Variants in AGAP1 observed in about 807,000 individuals in gnomAD.
AGAP1 encodes the protein ArfGAP with GTPase domain, ankyrin repeat and PH domain 1.
AGAP1 carries 29 observed loss-of-function variants against 105.3 expected under a neutral mutation model. The ratio of observed to expected loss-of-function variants is 0.28; its 90% confidence interval spans 0.21 to 0.38. AGAP1 has a LOEUF of 0.38. Among genes scored for constraint, AGAP1 ranks in the 10% least tolerant of loss-of-function variants. The pLI, the probability that AGAP1 is intolerant of heterozygous loss-of-function variation, is 1.00. For synonymous variants in AGAP1, 509 were observed against 485.9 expected (o/e 1.05, Z -0.63); for missense variants, 998 against 1,165.1 (o/e 0.86, Z 2.09).
At position 236,080,085 on chromosome 2, in the gene AGAP1, G is replaced by A. The variant is rs778405490; in HGVS notation, c.2114+30804G>A. ...CCCCATGGCATCCGCACACATCAAG[G>A]GCTGCATTGCAGGAGAGGAACCCTA... On this transcript the variant is annotated intron_variant, in intron 16 of 17. Coordinates refer to ENST00000304032, the MANE Select transcript of AGAP1 (RefSeq NM_001037131.3). This position sits in a 1 kb window ranked among gnomAD's most constrained non-coding sequence, Gnocchi z 4.2. Among the ~76,000 whole-genome samples the A allele has an allele frequency of 6.6e-6, 1 of 152,200 alleles. No homozygotes were observed. The highest frequency in any genetic ancestry group is 1.9e-4 in the East Asian group (1 of 5,200).
At position 235,977,608 on chromosome 2, in the gene AGAP1, A is replaced by G. The variant is rs1028509386; in HGVS notation, c.1645+8985A>G. Among the ~76,000 whole-genome samples, 1 of 152,126 alleles carries G rather than the reference A, an allele frequency of 6.6e-6. No individual in the cohort carries two copies. Among genetic ancestry groups the G allele is most frequent in the African/African-American group, 2.4e-5 (1 of 41,442 alleles). ...GACACATGCGGCCTGGGCTTCAGGA[A>G]GTAGAGATGCCCGGGGGTTATATTT... On this transcript the variant is annotated intron_variant, in intron 13 of 17. Coordinates refer to ENST00000304032, the MANE Select transcript of AGAP1 (RefSeq NM_001037131.3). The surrounding 1 kb of genome is among the most constrained non-coding windows in gnomAD (Gnocchi z 5.2).
At chr2:235,651,680 C>T (rs1161824391) in intron 1 of AGAP1, among the ~76,000 whole-genome samples, 1 of 152,062 alleles carries the variant, frequency 6.6e-6, no homozygotes, top group Non-Finnish European at 1.5e-5. Context: ...GTTGAGCCCC[C>T]CGAAATAATG....
At chr2:235,627,321 T>C (rs1446081837) in intron 1 of AGAP1, among the ~76,000 whole-genome samples, 1 of 150,748 alleles carries the variant, frequency 6.6e-6, no homozygotes, top group African/African-American at 2.4e-5. Flanking sequence ...ACCTCCCGAG[T>C]TTAAGCAATT....
At chr2:235,952,595 A>C (rs1016376804) in intron 12 of AGAP1, among the ~76,000 whole-genome samples, 20 of 152,196 alleles carry the variant, frequency 1.3e-4, no homozygotes, top group Admixed American at 4.6e-4. Flanking sequence ...TGTAAATTTT[A>C]TCTGTGTTTT....
Position 236,083,526 on chromosome 2 carries a change from G to T in AGAP1, c.2114+34245G>T, listed in dbSNP as rs558443929. Among the ~76,000 whole-genome samples, 87 of 152,270 alleles carry T rather than the reference G, an allele frequency of 5.7e-4. No individual in the cohort carries two copies. Among genetic ancestry groups the T allele is most frequent in the African/African-American group, 1.9e-3 (79 of 41,550 alleles). On this transcript the variant is annotated intron_variant, in intron 16 of 17. Coordinates refer to ENST00000304032, the MANE Select transcript of AGAP1 (RefSeq NM_001037131.3). The surrounding 1 kb of genome is among the most constrained non-coding windows in gnomAD (Gnocchi z 5.3). ...CCTGTTTATTTTCCAGCAGTTACCAGCTTAACTAAGACATTGTCACTGGAA... is the reference window on the plus strand; with the variant it reads ...CCTGTTTATTTTCCAGCAGTTACCATCTTAACTAAGACATTGTCACTGGAA...
In AGAP1 at chr2:235,799,320, G is replaced by T; in HGVS notation, c.802-47G>T. On this transcript the variant is annotated intron_variant, in intron 7 of 17. Coordinates refer to ENST00000304032, the MANE Select transcript of AGAP1 (RefSeq NM_001037131.3). The surrounding 1 kb of genome is among the most constrained non-coding windows in gnomAD (Gnocchi z 5.0). ...GACCTTGCCTAAGTGGAGGTCTTGG[G>T]TTCCTGAGTATGTCGTTAATGAAAC... The T allele has an allele frequency of 6.3e-7, 1 of 1,593,986 alleles. No individual in the cohort carries two copies. The highest frequency in any genetic ancestry group is 8.6e-7 in the Non-Finnish European group (1 of 1,168,710).
intron 6 of AGAP1, among the ~76,000 whole-genome samples, chr2:235,774,644 C>T (rs1051958223): frequency 1.3e-5 from 2 of 152,182 alleles, no homozygotes; most frequent in African/African-American, 2.4e-5. Context: ...TTAGGCTGCT[C>T]GCAATTACCC....
chr2:235,519,352 C>G lies in AGAP1; in HGVS notation c.163+24503C>G, dbSNP rs549737240. ...CCTCCCGAGTTGCTGGGGTTACAGT[C>G]ATGAGCCACCGCACATGGCCCTAGT... On this transcript the variant is annotated intron_variant, in intron 1 of 17. Transcript: ENST00000304032. Among the ~76,000 whole-genome samples the G allele has an allele frequency of 1.9e-3, 292 of 152,226 alleles. 1 individual carries two copies. Among genetic ancestry groups the G allele is most frequent in the African/African-American group, 6.5e-3 (272 of 41,542 alleles).
Position 236,123,904 on chromosome 2 carries a change from C to G in AGAP1, c.2371-15C>G. ...ATCCCCCATGATACTAATGTGGGCTCCCTTACCTCCGCAGTACGGAGTGGA... is the reference window on the plus strand; with the variant it reads ...ATCCCCCATGATACTAATGTGGGCTGCCTTACCTCCGCAGTACGGAGTGGA... On this transcript the variant is annotated splice_polypyrimidine_tract_variant and intron_variant, in intron 17 of 17. Coordinates refer to ENST00000304032, the MANE Select transcript of AGAP1 (RefSeq NM_001037131.3). The surrounding 1 kb of genome is among the most constrained non-coding windows in gnomAD (Gnocchi z 4.6). 1 of 1,612,152 alleles carries G rather than the reference C, an allele frequency of 6.2e-7. No individual in the cohort carries two copies.
intron 1 of AGAP1, among the ~76,000 whole-genome samples, chr2:235,637,523 C>G (rs888833514): frequency 6.6e-6 from 1 of 151,792 alleles, no homozygotes; most frequent in African/African-American, 2.4e-5. Flanking sequence ...CTCAAGCTAT[C>G]CTCCTGCCTC....
At chr2:235,641,233 T>A (rs980075974) in intron 1 of AGAP1, among the ~76,000 whole-genome samples, 1 of 152,166 alleles carries the variant, frequency 6.6e-6, no homozygotes, top group African/African-American at 2.4e-5. Flanking sequence ...CCTCTAATGT[T>A]ACAAATATGA....
At chr2:235,565,899 C>G (rs1402258700) in intron 1 of AGAP1, among the ~76,000 whole-genome samples, 2 of 151,892 alleles carry the variant, frequency 1.3e-5, no homozygotes, top group Non-Finnish European at 2.9e-5. Context: ...ACCTCAATCT[C>G]CCAAGATATT....
Position 235,732,961 on chromosome 2 carries a change from T to C in AGAP1, c.311-8002T>C, listed in dbSNP as rs928175782. Among the ~76,000 whole-genome samples the C allele has an allele frequency of 1.3e-5, 2 of 152,198 alleles. No homozygotes were observed. The highest frequency in any genetic ancestry group is 1.3e-4 in the Admixed American group (2 of 15,286). Reference sequence around the variant, plus strand: ...CTTTCGAGTCTCACTGCCCACGCTGTGGGAGCTGAGACTGGATGCTGTTCT... The same window carrying C: ...CTTTCGAGTCTCACTGCCCACGCTGCGGGAGCTGAGACTGGATGCTGTTCT... On this transcript the variant is annotated intron_variant, in intron 3 of 17. Coordinates refer to ENST00000304032, the MANE Select transcript of AGAP1 (RefSeq NM_001037131.3). This position sits in a 1 kb window ranked among gnomAD's most constrained non-coding sequence, Gnocchi z 4.8.
chr2:235,809,949 TCTC>T (rs1958043900), intron 9 of AGAP1, among the ~76,000 whole-genome samples: 1 of 152,130 alleles, frequency 6.6e-6, no homozygotes, highest in South Asian at 2.1e-4. Context: ...GTAGCTGTGT[TCTC>T]CTTATTTTAA....
intron 16 of AGAP1, among the ~76,000 whole-genome samples, chr2:236,098,940 C>T (rs1228679587): frequency 2.0e-5 from 3 of 151,902 alleles, no homozygotes; most frequent in South Asian, 4.2e-4. Flanking sequence ...TTCTAAAGGC[C>T]TCCAAACATC....
In AGAP1 at chr2:235,552,376, G is replaced by C. The variant is rs1305976915; in HGVS notation, c.163+57527G>C. Among the ~76,000 whole-genome samples, 1 of 152,200 alleles carries C rather than the reference G, an allele frequency of 6.6e-6. No homozygotes were observed. The highest frequency in any genetic ancestry group is 1.5e-5 in the Non-Finnish European group (1 of 68,040). On this transcript the variant is annotated intron_variant, in intron 1 of 17. Transcript: ENST00000304032. The surrounding 1 kb of genome is among the most constrained non-coding windows in gnomAD (Gnocchi z 5.9). ...GCCTTGGTGTCGTTATAATGCAAGT[G>C]GGATTTCATTATGTGTTTAAGGCTT... is the stretch of plus-strand genomic sequence containing the variant.
intron 1 of AGAP1, among the ~76,000 whole-genome samples, chr2:235,593,859 C>T (rs7559054): frequency 0.17 from 25,102 of 151,848 alleles, 2,614 homozygotes; most frequent in South Asian, 0.29. Context: ...GTCCCAGCTG[C>T]TTGGGAGGCT....
chr2:236,058,632 G>A lies in AGAP1; in HGVS notation c.2114+9351G>A, dbSNP rs1428946249. Among the ~76,000 whole-genome samples the A allele has an allele frequency of 1.3e-5, 2 of 152,164 alleles. No individual in the cohort carries two copies. Among genetic ancestry groups the A allele is most frequent in the African/African-American group, 4.8e-5 (2 of 41,424 alleles). On this transcript the variant is annotated intron_variant, in intron 16 of 17. Coordinates refer to ENST00000304032, the MANE Select transcript of AGAP1 (RefSeq NM_001037131.3). This position sits in a 1 kb window ranked among gnomAD's most constrained non-coding sequence, Gnocchi z 4.6. The stretch of plus-strand genomic sequence containing the variant: ...CACAGCTAACATTGTACTTTATGGT[G>A]AAATACTGCAGGCTTTTCCCCTAAG...
At position 236,120,354 on chromosome 2, in the gene AGAP1, G is replaced by A. The variant is rs1193882360; in HGVS notation, c.2277G>A (p.Glu759=). The A allele has an allele frequency of 3.1e-6, 5 of 1,611,896 alleles. No homozygotes were observed. Among genetic ancestry groups the A allele is most frequent in the Admixed American group, 1.7e-5 (1 of 59,986 alleles). Residue 759 remains glutamate (E), a synonymous_variant, in exon 17 of 18, where the codon GAG becomes GAA. Transcript: ENST00000304032. This position sits in a 1 kb window ranked among gnomAD's most constrained non-coding sequence, Gnocchi z 6.0. ...TGCTGGCACACGGCTCCCGGGACGAGGTGAACGAGACCTGCGGGGAGGGAG... is the reference window on the plus strand; with the variant it reads ...TGCTGGCACACGGCTCCCGGGACGAAGTGAACGAGACCTGCGGGGAGGGAG... ...ILLLAHGSRD[E]VNETCGEGDG...
Sources: gnomAD v4.1 joint callset for allele counts (sites outside exome capture counted in the v4.1 genomes callset) on GRCh38, gnomAD v4.1.1 for gene constraint, Gnocchi (gnomAD v3.1) non-coding constraint, MANE v1.5 for transcripts, NCBI Gene and HGNC (gene_info 2026-07-23, HGNC 2026-07-21) for gene names.